Variants in HRH2 observed in about 807,000 individuals in gnomAD.
HRH2 encodes histamine H2 receptor.
In HRH2, 4 loss-of-function variants were observed where a neutral mutation model predicts 20.1. The observed-to-expected ratio is 0.20, with a 90% CI of 0.10 to 0.45. The LOEUF (loss-of-function observed/expected upper bound fraction) is 0.45, where lower values mean the gene tolerates loss of function less well. Among genes scored for constraint, HRH2 ranks in the 20% least tolerant of loss-of-function variants. The pLI is 0.99. For synonymous variants in HRH2, 197 were observed against 200.7 expected (o/e 0.98, Z 0.16); for missense variants, 250 against 461.6 (o/e 0.54, Z 4.20).
At chr5:175,702,106 G>C (rs1756804795) in intron 2 of HRH2, among the ~76,000 whole-genome samples, 1 of 152,192 alleles carries the variant, frequency 6.6e-6, no homozygotes, top group South Asian at 2.1e-4. Context: ...GGGCAAGTAA[G>C]AGAGAGAGGG....
chr5:175,673,795 C>A (rs1373542298), intron 1 of HRH2, among the ~76,000 whole-genome samples: 1 of 151,904 alleles, frequency 6.6e-6, no homozygotes, highest in Non-Finnish European at 1.5e-5. Context: ...CCTCCGCCCC[C>A]CTGGGTTTAA....
In HRH2 at chr5:175,677,630, G is replaced by A. The variant is rs933704039; in HGVS notation, c.-525-5079G>A. Among the ~76,000 whole-genome samples, 3 of 152,216 alleles carry A rather than the reference G, an allele frequency of 2.0e-5. No individual in the cohort carries two copies. Among genetic ancestry groups the A allele is most frequent in the Admixed American group, 6.5e-5 (1 of 15,288 alleles). Reference sequence around the variant, plus strand: ...AATAACCCCTCCCAGCCCATTTTGGGCTGCTCCTTGGGTGCTGATGCTGGG... The same window carrying A: ...AATAACCCCTCCCAGCCCATTTTGGACTGCTCCTTGGGTGCTGATGCTGGG... On this transcript the variant is annotated intron_variant, in intron 1 of 2. Coordinates refer to ENST00000636584, the MANE Select transcript of HRH2 (RefSeq NM_001367711.1). This position sits in a 1 kb window ranked among gnomAD's most constrained non-coding sequence, Gnocchi z 4.2.
intron 1 of HRH2, among the ~76,000 whole-genome samples, chr5:175,674,713 A>G (rs761718575): frequency 6.6e-6 from 1 of 152,130 alleles, no homozygotes; most frequent in Non-Finnish European, 1.5e-5. Flanking sequence ...CAGAAGCAAG[A>G]ACAAGTCATG....
intron 2 of HRH2, among the ~76,000 whole-genome samples, chr5:175,700,659 C>G (rs1756763769): frequency 6.6e-6 from 1 of 152,098 alleles, no homozygotes; most frequent in Admixed American, 6.5e-5. Context: ...GAGGCCGAGG[C>G]AGACAGATCA....
At chr5:175,668,320 G>A (rs1449204242) in intron 1 of HRH2, among the ~76,000 whole-genome samples, 1 of 152,192 alleles carries the variant, frequency 6.6e-6, no homozygotes, top group African/African-American at 2.4e-5. Context: ...ACTCCGCACA[G>A]CAGTCAGACA....
intron 1 of HRH2, among the ~76,000 whole-genome samples, chr5:175,669,327 G>A (rs926274673): frequency 6.6e-6 from 1 of 151,206 alleles, no homozygotes; most frequent in Admixed American, 6.6e-5. Context: ...AAAATCCAAG[G>A]CATCCTGGAA....
intron 1 of HRH2, among the ~76,000 whole-genome samples, chr5:175,664,238 A>G (rs1257367373): frequency 6.6e-6 from 1 of 152,200 alleles, no homozygotes; most frequent in Non-Finnish European, 1.5e-5. Flanking sequence ...TCCTGGGAGA[A>G]TGATCTAACA....
At chr5:175,684,860 G>C (rs1180960509) in intron 2 of HRH2, among the ~76,000 whole-genome samples, 1 of 152,208 alleles carries the variant, frequency 6.6e-6, no homozygotes, top group African/African-American at 2.4e-5. Flanking sequence ...GAAAGGTGGG[G>C]CCTTGAAGGC....
intron 1 of HRH2, among the ~76,000 whole-genome samples, chr5:175,682,164 G>A (rs1756002441): frequency 6.6e-6 from 1 of 152,252 alleles, no homozygotes; most frequent in Non-Finnish European, 1.5e-5. Flanking sequence ...GCCGTCACAG[G>A]CTGTGAGGCA....
At chr5:175,698,951 C>A (rs1756703483) in intron 2 of HRH2, among the ~76,000 whole-genome samples, 1 of 152,182 alleles carries the variant, frequency 6.6e-6, no homozygotes, top group African/African-American at 2.4e-5. Flanking sequence ...TGAAGTGAGC[C>A]CTGCCTTGAA....
At chr5:175,699,434 C>T (rs1362375047) in intron 2 of HRH2, among the ~76,000 whole-genome samples, 1 of 152,336 alleles carries the variant, frequency 6.6e-6, no homozygotes, top group East Asian at 1.9e-4. Context: ...GCTTCCATTT[C>T]CTCTTAAAGG....
rs181338060 is a variant in HRH2, at chr5:175,698,043, C to G, written c.1077-9736C>G. ...CTCACAGGCAACACACCCATGCACA[C>G]TCAGGCACTGGAGCGCACACACGCT... is the stretch of plus-strand genomic sequence containing the variant. On this transcript the variant is annotated intron_variant, in intron 2 of 2. Coordinates refer to ENST00000636584, the MANE Select transcript of HRH2 (RefSeq NM_001367711.1). Among the ~76,000 whole-genome samples the G allele has an allele frequency of 3.8e-4, 58 of 152,394 alleles. No homozygotes were observed. The East Asian group carries it at 6.0e-3, about 16-fold the overall frequency.
Position 175,683,052 on chromosome 5 carries a change from GC to G in HRH2, c.-179del. The G allele has an allele frequency of 1.5e-6, 1 of 681,522 alleles. No homozygotes were observed. Among genetic ancestry groups the G allele is most frequent in the Non-Finnish European group, 2.4e-6 (1 of 408,900 alleles). The allele number at this position is 681,522 out of a possible 1,614,324, so 42.2% of individuals were successfully genotyped here. On this transcript the variant is annotated 5_prime_UTR_variant, in exon 2 of 3. Coordinates refer to ENST00000636584, the MANE Select transcript of HRH2 (RefSeq NM_001367711.1). ...TGCTTAATTTATTTCTAGAAAAGCA[GC>G]CCAGAGTCAGTCATTGAAGCCTTCC...
chr5:175,675,232 T>C lies in HRH2; in HGVS notation c.-525-7477T>C, dbSNP rs549843347. 2.9e-4 allele frequency among the ~76,000 whole-genome samples: 44 copies of C among 152,336 alleles called. No individual in the cohort carries two copies. The South Asian group carries it at 8.5e-3, about 29-fold the overall frequency. On this transcript the variant is annotated intron_variant, in intron 1 of 2. Transcript: ENST00000636584. ...TGTCATGAAGTAAGCATTCTTTATA[T>C]GCCAATTTGTAGTAGTATCATTCTC... is the stretch of plus-strand genomic sequence containing the variant.
At chr5:175,668,417 G>A (rs1446566769) in intron 1 of HRH2, among the ~76,000 whole-genome samples, 1 of 152,162 alleles carries the variant, frequency 6.6e-6, no homozygotes, top group African/African-American at 2.4e-5. Flanking sequence ...TGGGGGTGCA[G>A]GGGAATATTA....
rs932489115 is a variant in HRH2, at chr5:175,667,131, A to G, written c.-526+8976A>G. ...TTAGTCACTGTAGACTTAACTCTCA[A>G]TGTAGAAAACTTTGAATAAAGAAAT... On this transcript the variant is annotated intron_variant, in intron 1 of 2. Transcript: ENST00000636584. 3.7e-4 allele frequency among the ~76,000 whole-genome samples: 57 copies of G among 152,200 alleles called. 1 individual carries two copies. Among genetic ancestry groups the G allele is most frequent in the Admixed American group, 3.6e-3 (55 of 15,280 alleles).
At position 175,710,557 on chromosome 5, in the gene HRH2, G is replaced by A. The variant is rs370842200; in HGVS notation, c.*2586G>A. On this transcript the variant is annotated 3_prime_UTR_variant, in exon 3 of 3. Transcript: ENST00000636584. The stretch of plus-strand genomic sequence containing the variant: ...ACTCAGCTGGTCAGAGCTCTGGCCC[G>A]AGGGGCCCACGCACCACCCGCCACT... 3.9e-5 allele frequency: 6 copies of A among 152,238 alleles called. No homozygotes were observed. The highest frequency in any genetic ancestry group is 1.9e-4 in the East Asian group (1 of 5,200). The allele number at this position is 152,238 out of a possible 1,614,324, so 9.4% of individuals were successfully genotyped here.
intron 1 of HRH2, among the ~76,000 whole-genome samples, chr5:175,678,883 GA>G (rs544846635): frequency 3.4e-4 from 52 of 152,364 alleles, no homozygotes; most frequent in African/African-American, 1.2e-3. Context: ...GCTGAAGAGG[GA>G]AAAGAAAGTA....
In HRH2 at chr5:175,662,490, C is replaced by T. The variant is rs550143816; in HGVS notation, c.-526+4335C>T. ...CCTGGGCTGGAAGAGAAGAGCATTCCTGACCAGGGATCAGCTGGTTCAGGT... is the reference window on the plus strand; with the variant it reads ...CCTGGGCTGGAAGAGAAGAGCATTCTTGACCAGGGATCAGCTGGTTCAGGT... On this transcript the variant is annotated intron_variant, in intron 1 of 2. Coordinates refer to ENST00000636584, the MANE Select transcript of HRH2 (RefSeq NM_001367711.1). 9.2e-5 allele frequency among the ~76,000 whole-genome samples: 14 copies of T among 152,242 alleles called. No homozygotes were observed. The South Asian group carries it at 2.9e-3, about 32-fold the overall frequency.
Sources: gnomAD v4.1 joint callset for allele counts (sites outside exome capture counted in the v4.1 genomes callset) on GRCh38, gnomAD v4.1.1 for gene constraint, Gnocchi (gnomAD v3.1) non-coding constraint, MANE v1.5 for transcripts, NCBI Gene and HGNC (gene_info 2026-07-23, HGNC 2026-07-21) for gene names.